The following RUBCN variants were observed in gnomAD, a reference collection of about 807,000 sequenced individuals.
RUBCN encodes the protein rubicon autophagy regulator, also known as run domain Beclin-1-interacting and cysteine-rich domain-containing protein.
A neutral mutation model predicts 113.2 loss-of-function variants in RUBCN; 74 were observed. The ratio of observed to expected loss-of-function variants is 0.65; its 90% CI spans 0.54 to 0.79. The LOEUF (loss-of-function observed/expected upper bound fraction) is 0.79, where lower values mean the gene tolerates loss of function less well. Among genes scored for constraint, RUBCN ranks in the 30% least tolerant of loss-of-function variants. The probability of loss-of-function intolerance (pLI) is 0.00; values close to 1 mark genes in which losing one functional copy is unlikely to be tolerated. For synonymous variants in RUBCN, 480 were observed against 490.0 expected (o/e 0.98, Z 0.27); for missense variants, 1,109 against 1,251.7 (o/e 0.89, Z 1.72).
chr3:197,682,379 T>C (rs903351963), intron 14 of RUBCN, 91 bp downstream of exon 14: 1 of 1,470,488 alleles, frequency 6.8e-7, no homozygotes, highest in African/African-American at 1.4e-5. Context: ...GAAGGACAGC[T>C]GGAGGCAGGG....
At chr3:197,711,881 A>G (rs1396417072) in intron 2 of RUBCN, among the ~76,000 whole-genome samples, 3 of 152,204 alleles carry the variant, frequency 2.0e-5, no homozygotes, top group Non-Finnish European at 4.4e-5. Flanking sequence ...TTTAAAACAC[A>G]TAAATACATA....
intron 7 of RUBCN, chr3:197,699,083 C>G: frequency 1.3e-6 from 1 of 799,804 alleles, no homozygotes; most frequent in South Asian, 1.5e-5. Context: ...ACAACAAGAC[C>G]AGGCTAGCCA....
chr3:197,699,238 G>A lies in RUBCN; in HGVS notation c.1261+1375C>T, dbSNP rs576171325. ...GTGATATTCCTGGGGCCTCCTGCCG[G>A]TAGACAGACAGGTGCAGAGGAGAGT... is the stretch of plus-strand genomic sequence containing the variant. On this transcript the variant is annotated intron_variant, in intron 7 of 19. Coordinates refer to ENST00000296343, the MANE Select transcript of RUBCN (RefSeq NM_014687.4). 13 of 1,545,516 alleles carry A rather than the reference G, an allele frequency of 8.4e-6. No homozygotes were observed. In the African/African-American group the frequency reaches 1.4e-4, roughly 16 times the overall value.
At chr3:197,742,625 A>T (rs1429818888) in intron 1 of RUBCN, among the ~76,000 whole-genome samples, 2 of 152,220 alleles carry the variant, frequency 1.3e-5, no homozygotes, top group Non-Finnish European at 2.9e-5. Context: ...CTGCATGAAG[A>T]GGGTCAGAGC....
At position 197,672,097 on chromosome 3, in the gene RUBCN, G is replaced by A. The variant is rs1216197148; in HGVS notation, c.*2921C>T. 3 of 152,186 alleles carry A rather than the reference G, an allele frequency of 2.0e-5. No individual in the cohort carries two copies. Among genetic ancestry groups the A allele is most frequent in the Non-Finnish European group, 4.4e-5 (3 of 68,042 alleles). 9.4% of individuals were successfully genotyped at this position (152,186 alleles called of 1,614,324 possible). A position where few individuals can be genotyped will look rare whatever the true frequency, so the allele number is the denominator to read the frequency against. On this transcript the variant is annotated 3_prime_UTR_variant, in exon 20 of 20. Transcript: ENST00000296343. ...AGTTCAGAGCACGGGCGGCACACAC[G>A]GAACATCTCTACTAAGACTCGCACT...
At chr3:197,742,156 A>T (rs1386412397) in intron 1 of RUBCN, among the ~76,000 whole-genome samples, 2 of 152,016 alleles carry the variant, frequency 1.3e-5, no homozygotes, top group Non-Finnish European at 2.9e-5. Flanking sequence ...CGGCCTCCCA[A>T]AGAAAATGTG....
At chr3:197,719,569 A>G (rs1277069819) in intron 1 of RUBCN, among the ~76,000 whole-genome samples, 3 of 152,238 alleles carry the variant, frequency 2.0e-5, no homozygotes, top group East Asian at 3.9e-4. Context: ...AAAATTACAC[A>G]AAGAGCATTG....
intron 7 of RUBCN, among the ~76,000 whole-genome samples, chr3:197,697,589 C>T (rs1173714503): frequency 2.0e-5 from 3 of 152,154 alleles, no homozygotes; most frequent in South Asian, 2.1e-4. Flanking sequence ...CAAAGGGCTC[C>T]GTTACGGGGC....
At position 197,678,771 on chromosome 3, in the gene RUBCN, C is replaced by T. The variant is rs535273521; in HGVS notation, c.2431-1230G>A. Among the ~76,000 whole-genome samples the T allele has an allele frequency of 2.9e-4, 43 of 146,398 alleles. No individual in the cohort carries two copies. In the East Asian group the frequency reaches 3.8e-3, roughly 13 times the overall value. Reference sequence around the variant, plus strand: ...TGACAACTGGCTCCAGACTGTCCTACGCTCTAACAACTGGCTTCAGACTGT... The same window carrying T: ...TGACAACTGGCTCCAGACTGTCCTATGCTCTAACAACTGGCTTCAGACTGT... On this transcript the variant is annotated intron_variant, in intron 16 of 19. Transcript: ENST00000296343.
At chr3:197,731,426 C>T (rs1489842790) in intron 1 of RUBCN, among the ~76,000 whole-genome samples, 3 of 152,240 alleles carry the variant, frequency 2.0e-5, no homozygotes, top group South Asian at 2.1e-4. Context: ...CATCCGATTT[C>T]TCAATCTTTT....
intron 1 of RUBCN, 37 bp downstream of exon 1, chr3:197,736,618 T>A (rs1369360944): frequency 1.3e-6 from 2 of 1,529,904 alleles, no homozygotes; most frequent in South Asian, 2.4e-5. Context: ...CTCCGGCGCC[T>A]GTCGCTGCCC....
intron 6 of RUBCN, 25 bp from the exon 7 acceptor site, chr3:197,701,171 G>A (rs780372216): frequency 1.3e-6 from 2 of 1,501,214 alleles, no homozygotes; most frequent in Admixed American, 2.2e-5. Context: ...GAAATGGTAA[G>A]GGGAGCAAGG....
intron 1 of RUBCN, among the ~76,000 whole-genome samples, chr3:197,726,783 G>A (rs977034427): frequency 2.0e-5 from 3 of 149,148 alleles, no homozygotes; most frequent in Admixed American, 2.0e-4. Context: ...CTCATGATCC[G>A]CCCGCCTCAG....
chr3:197,721,215 G>T (rs1726123776), intron 1 of RUBCN, among the ~76,000 whole-genome samples: 1 of 152,158 alleles, frequency 6.6e-6, no homozygotes, highest in Non-Finnish European at 1.5e-5. Flanking sequence ...AGTTGTGGTA[G>T]AATTCGGCAG....
Position 197,681,068 on chromosome 3 carries a change from G to T in RUBCN, c.2430+61C>A. ...GGGGGAGGGGACGGGGGAGGGACGA[G>T]GGGAGGGGATGAGGGGAGGAGAAGG... is the stretch of plus-strand genomic sequence containing the variant. On this transcript the variant is annotated intron_variant, in intron 16 of 19. Transcript: ENST00000296343. This position sits in a 1 kb window ranked among gnomAD's most constrained non-coding sequence, Gnocchi z 5.5. The T allele has an allele frequency of 1.0e-6, 1 of 1,003,210 alleles. No individual in the cohort carries two copies. Among genetic ancestry groups the T allele is most frequent in the South Asian group, 1.3e-5 (1 of 76,594 alleles). 62.1% of individuals were successfully genotyped at this position (1,003,210 alleles called of 1,614,324 possible). A position where few individuals can be genotyped will look rare whatever the true frequency, so the allele number is the denominator to read the frequency against.
At chr3:197,682,680 G>A (rs1721384013) in intron 13 of RUBCN, 65 bp from the exon 14 acceptor site, 1 of 1,606,190 alleles carries the variant, frequency 6.2e-7, no homozygotes, top group Non-Finnish European at 8.5e-7. Context: ...CTGGTGAGAT[G>A]GGCAGTGAGT....
Position 197,695,955 on chromosome 3 carries a change from C to T in RUBCN, c.1384G>A (p.Glu462Lys). 2 of 1,614,184 alleles carry T rather than the reference C, an allele frequency of 1.2e-6. No homozygotes were observed. The highest frequency in any genetic ancestry group is 1.7e-6 in the Non-Finnish European group (2 of 1,180,032). Residue 462 changes from glutamate (E) to lysine (K), a missense_variant, in exon 9 of 20, where the codon GAA becomes AAA. Physicochemically the swap from Glu to Lys is moderately conservative, Grantham distance 56 (BLOSUM62 1). Around this residue, in one of 3 missense-constraint regions of RUBCN, gnomAD observed 736 missense variants for 779.6 expected, o/e 0.94. Transcript: ENST00000296343. ...TCTGATGGTCTTCGGAACATGCCTT[C>T]CCCTGAGCACAGGTACCGACCACCT... is the stretch of plus-strand genomic sequence containing the variant. ...YEGGRYLCSG[E>K]GMFRRPSEGQ...
At chr3:197,688,772 G>C (rs1206523492) in intron 11 of RUBCN, among the ~76,000 whole-genome samples, 1 of 152,206 alleles carries the variant, frequency 6.6e-6, no homozygotes, top group Admixed American at 6.5e-5. Flanking sequence ...TAGATGACGT[G>C]AAAGACACAA....
intron 11 of RUBCN, among the ~76,000 whole-genome samples, chr3:197,691,435 G>T (rs1337756496): frequency 6.6e-6 from 1 of 151,948 alleles, no homozygotes; most frequent in Non-Finnish European, 1.5e-5. Flanking sequence ...ACTGGGGAGG[G>T]GTTACCACTG....
Sources: gnomAD v4.1 joint callset for allele counts (sites outside exome capture counted in the v4.1 genomes callset) on GRCh38, gnomAD v4.1.1 for gene constraint, gnomAD v4.1.1 regional missense constraint, Gnocchi (gnomAD v3.1) non-coding constraint, MANE v1.5 for transcripts, NCBI Gene and HGNC (gene_info 2026-07-23, HGNC 2026-07-21) for gene names.